The following IFT88 variants were observed in gnomAD, a reference collection of about 807,000 sequenced individuals.
IFT88 encodes intraflagellar transport protein 88 homolog.
A neutral mutation model predicts 119.5 loss-of-function variants in IFT88; 74 were observed. That is an observed-to-expected ratio of 0.62 (90% CI 0.51 to 0.75). The LOEUF is 0.75. Ranked by LOEUF, IFT88 falls within the 30% of genes least tolerant of loss-of-function variation. The pLI is 0.00. For synonymous variants in IFT88, 279 were observed against 316.7 expected, an observed-to-expected ratio of 0.88 and a Z score of 1.26; for missense variants, 961 against 977.7, an observed-to-expected ratio of 0.98 and a Z score of 0.23.
At position 20,617,221 on chromosome 13, in the gene IFT88, T is replaced by C. The variant is rs139022076; in HGVS notation, c.1199+1342T>C. On this transcript the variant is annotated intron_variant, in intron 14 of 25. Coordinates refer to ENST00000351808, the MANE Select transcript of IFT88 (RefSeq NM_006531.5). ...AAAGAAAAGTGTGGATTTTATTCCA[T>C]TGCACAATTTGCTAGTGTGTTTCCT... is the stretch of plus-strand genomic sequence containing the variant. 8.5e-5 allele frequency among the ~76,000 whole-genome samples: 13 copies of C among 152,334 alleles called. No homozygotes were observed. The East Asian group carries it at 2.5e-3, about 29-fold the overall frequency.
intron 24 of IFT88, among the ~76,000 whole-genome samples, chr13:20,673,900 C>T (rs1273227468): frequency 1.3e-5 from 2 of 152,182 alleles, no homozygotes; most frequent in East Asian, 1.9e-4. Context: ...AGCAGGGTTG[C>T]GTGTTACTAG....
At chr13:20,645,856 A>G (rs928883824) in intron 20 of IFT88, among the ~76,000 whole-genome samples, 2 of 152,244 alleles carry the variant, frequency 1.3e-5, no homozygotes, top group African/African-American at 4.8e-5. Context: ...TGGAATTTCT[A>G]TTAGGCAATT....
chr13:20,642,840 G>T (rs923172830), intron 18 of IFT88: 1 of 151,314 alleles, frequency 6.6e-6, no homozygotes, highest in African/African-American at 2.4e-5. Flanking sequence ...ATCTTCTGGT[G>T]TCACTCTTGT....
In IFT88 at chr13:20,656,377, A is replaced by G. The variant is rs1052657687; in HGVS notation, c.2015A>G (p.Lys672Arg). Residue 672 changes from lysine (K) to arginine (R), a missense_variant, in exon 22 of 26, where the codon AAA becomes AGA. Physicochemically the swap from Lys to Arg is conservative, Grantham distance 26 (BLOSUM62 2). Transcript: ENST00000351808. ...TGTTTGTTTATAGGTAACTACCAAA[A>G]AGCATTAGATACTTACAAAGATACT... is the stretch of plus-strand genomic sequence containing the variant. ...SCFRRSGNYQ[K>R]ALDTYKDTHR... 4.1e-6 allele frequency: 6 copies of G among 1,478,774 alleles called. No individual in the cohort carries two copies. Among genetic ancestry groups the G allele is most frequent in the Non-Finnish European group, 4.6e-6 (5 of 1,080,036 alleles). The allele number at this position is 1,478,774 out of a possible 1,614,324, so 91.6% of individuals were successfully genotyped here.
chr13:20,634,690 T>C (rs1270576101), intron 16 of IFT88, among the ~76,000 whole-genome samples: 2 of 150,638 alleles, frequency 1.3e-5, no homozygotes, highest in Admixed American at 1.3e-4. Context: ...ATCGTGCCAC[T>C]GCATTCCAGC....
chr13:20,666,561 T>C (rs1268878248), intron 23 of IFT88, among the ~76,000 whole-genome samples: 2 of 151,978 alleles, frequency 1.3e-5, no homozygotes, highest in Admixed American at 6.6e-5. Context: ...TAATAAAGAG[T>C]AGGTTTAAAG....
chr13:20,592,285 C>T (rs369569873), intron 6 of IFT88, 50 bp from the exon 7 acceptor site: 7 of 1,372,522 alleles, frequency 5.1e-6, no homozygotes, highest in African/African-American at 1.4e-5. Context: ...ATATATTCTT[C>T]GATTTTGCTG....
At chr13:20,628,209 T>G (rs1418025133) in intron 15 of IFT88, among the ~76,000 whole-genome samples, 1 of 152,206 alleles carries the variant, frequency 6.6e-6, no homozygotes, top group Non-Finnish European at 1.5e-5. Context: ...ACTTTTTTTT[T>G]TTCCAAGAAA....
At chr13:20,667,078 A>G (rs1007550728) in intron 23 of IFT88, among the ~76,000 whole-genome samples, 2 of 152,162 alleles carry the variant, frequency 1.3e-5, no homozygotes, top group African/African-American at 4.8e-5. Context: ...ATTTTGTTAC[A>G]TGGCTGTTTC....
intron 24 of IFT88, among the ~76,000 whole-genome samples, chr13:20,679,169 C>T (rs943458560): frequency 1.3e-5 from 2 of 152,208 alleles, no homozygotes; most frequent in African/African-American, 4.8e-5. Context: ...ATTCCAATCA[C>T]ATTGTAACTG....
intron 24 of IFT88, among the ~76,000 whole-genome samples, chr13:20,673,648 A>C (rs1008180150): frequency 6.6e-6 from 1 of 152,252 alleles, no homozygotes; most frequent in African/African-American, 2.4e-5. Context: ...CTGACAATGA[A>C]GAGAGGTAGG....
chr13:20,572,663 T>C (rs564135975), intron 1 of IFT88, among the ~76,000 whole-genome samples: 1 of 152,342 alleles, frequency 6.6e-6, no homozygotes, highest in South Asian at 2.1e-4. Context: ...GAAATCGCAG[T>C]GTATATTTGC....
chr13:20,603,400 A>T (rs1021997370), intron 12 of IFT88, among the ~76,000 whole-genome samples: 86 of 152,076 alleles, frequency 5.7e-4, no homozygotes, highest in African/African-American at 2.0e-3. Context: ...AAAAAAAAAA[A>T]AAAGATTATA....
intron 16 of IFT88, among the ~76,000 whole-genome samples, chr13:20,637,388 G>T (rs1253671584): frequency 6.6e-6 from 1 of 152,196 alleles, no homozygotes; most frequent in Non-Finnish European, 1.5e-5. Flanking sequence ...AGGAGCCATG[G>T]CGGTGAAGGT....
At chr13:20,650,690 A>T (rs2051501605) in intron 20 of IFT88, among the ~76,000 whole-genome samples, 1 of 152,308 alleles carries the variant, frequency 6.6e-6, no homozygotes, top group South Asian at 2.1e-4. Flanking sequence ...TTCACAGATG[A>T]CATGATCTTA....
intron 20 of IFT88, 89 bp from the exon 21 acceptor site, chr13:20,653,787 A>G (rs1164716656): frequency 4.8e-6 from 3 of 622,274 alleles, no homozygotes; most frequent in Non-Finnish European, 8.0e-6. Context: ...GTCAAAAAGT[A>G]ATTGTAAAAT....
At chr13:20,587,505 A>G (rs1203801150) in intron 3 of IFT88, among the ~76,000 whole-genome samples, 1 of 152,002 alleles carries the variant, frequency 6.6e-6, no homozygotes, top group Non-Finnish European at 1.5e-5. Flanking sequence ...TGATCCACCC[A>G]CCTCAGTGTC....
intron 1 of IFT88, among the ~76,000 whole-genome samples, chr13:20,571,911 A>G (rs1351024143): frequency 1.3e-5 from 2 of 152,300 alleles, no homozygotes; most frequent in East Asian, 3.9e-4. Flanking sequence ...AAGCAATGTT[A>G]TGTGTCCTGA....
At chr13:20,581,826 T>C (rs1380373495) in intron 2 of IFT88, among the ~76,000 whole-genome samples, 2 of 146,824 alleles carry the variant, frequency 1.4e-5, no homozygotes, top group Non-Finnish European at 1.5e-5. Flanking sequence ...GTACTCCAGC[T>C]TGGAGGTTGG....
Sources: allele counts gnomAD v4.1 joint callset (sites outside exome capture counted in the v4.1 genomes callset), GRCh38; gene constraint gnomAD v4.1.1; transcripts MANE v1.5; gene names NCBI Gene and HGNC (gene_info 2026-07-23, HGNC 2026-07-21).